The following FAT2 variants were observed in gnomAD, a reference collection of about 807,000 sequenced individuals.
FAT2 encodes the protein protocadherin Fat 2.
Under a neutral mutation model 295.3 loss-of-function variants are expected in FAT2, and 150 were observed. That is an observed-to-expected ratio of 0.51 (90% CI 0.44 to 0.58). FAT2 has a LOEUF of 0.58. Ranked by LOEUF, FAT2 falls within the 20% of genes least tolerant of loss-of-function variation. The pLI is 0.00. For synonymous variants in FAT2, 2,026 were observed against 2,150.3 expected, an observed-to-expected ratio of 0.94 and a Z score of 1.60; for missense variants, 4,868 against 5,442.7, an observed-to-expected ratio of 0.89 and a Z score of 3.32.
rs1457131869 is a variant in FAT2 at position 151,507,388 on chromosome 5, T to C, written c.12283A>G (p.Thr4095Ala). 2 of 1,614,148 alleles carry C rather than the reference T, an allele frequency of 1.2e-6. No homozygotes were observed. Among genetic ancestry groups the C allele is most frequent in the South Asian group, 2.2e-5 (2 of 91,074 alleles). ...AGCTCGATGGCAGGCATGGCTTGGG[T>C]GTCAACACCAACACTCCTGGCCAGG... Reference protein sequence around the residue: ...DLLARSVGVDTQAMPAIELNP... With the variant: ...DLLARSVGVDAQAMPAIELNP... The change falls in exon 23 of 24, where the codon ACC becomes GCC. Residue 4095 changes from threonine to alanine, a missense_variant. By Grantham distance (58) the Thr-to-Ala change is moderately conservative. Around this residue, in one of 5 missense-constraint regions of FAT2, gnomAD observed 492 missense variants for 482.6 expected, o/e 1.02. Coordinates refer to ENST00000261800, the MANE Select transcript of FAT2 (RefSeq NM_001447.3).
intron 12 of FAT2, among the ~76,000 whole-genome samples, chr5:151,537,128 C>G (rs1397301858): frequency 6.7e-6 from 1 of 149,988 alleles, no homozygotes; most frequent in Non-Finnish European, 1.5e-5. Flanking sequence ...ATTCCCATAG[C>G]TAGCAAAAAG....
chr5:151,505,776 T>C lies in FAT2; in HGVS notation c.12839A>G (p.Gln4280Arg), dbSNP rs1317694946. Residue 4280 changes from glutamine (Q) to arginine (R), a missense_variant, in exon 24 of 24, where the codon CAG becomes CGG. Gln to Arg is a conservative substitution (Grantham distance 43). This residue lies in a region of FAT2 where 492 missense variants were observed against 482.6 expected (regional missense o/e 1.02). Transcript: ENST00000261800. ...EYTAISYYHS[Q>R]FRQGGGGPCL... ...GGGCCCTCCCCCTCCCTGCCGGAAC[T>C]GCGAGTGGTAGTAGCTGATGGCCGT... The C allele has an allele frequency of 2.5e-6, 4 of 1,614,000 alleles. No individual in the cohort carries two copies. Among genetic ancestry groups the C allele is most frequent in the African/African-American group, 2.7e-5 (2 of 75,026 alleles).
chr5:151,536,497 A>G (rs1022697910), intron 12 of FAT2, among the ~76,000 whole-genome samples: 7 of 151,932 alleles, frequency 4.6e-5, no homozygotes, highest in African/African-American at 1.7e-4. Context: ...TGTGCTGCCC[A>G]TCTCCACACC....
At chr5:151,558,023 AC>A (rs1369695484) in intron 3 of FAT2, among the ~76,000 whole-genome samples, 1 of 151,986 alleles carries the variant, frequency 6.6e-6, no homozygotes, top group African/African-American at 2.4e-5. Flanking sequence ...CCTTATTTCA[AC>A]CCCAGCCTCC....
upstream of FAT2, among the ~76,000 whole-genome samples, chr5:151,592,122 G>T (rs948734039): frequency 6.6e-6 from 1 of 152,160 alleles, no homozygotes; most frequent in East Asian, 1.9e-4. Context: ...CCTTGGCTTT[G>T]ATGCGTTTTA....
chr5:151,524,307 T>A (rs1753778242), intron 18 of FAT2, among the ~76,000 whole-genome samples: 1 of 152,236 alleles, frequency 6.6e-6, no homozygotes, highest in Admixed American at 6.5e-5. Flanking sequence ...CCAAGTATTA[T>A]TTTTAGTGCC....
chr5:151,534,397 T>G lies in FAT2; in HGVS notation c.9427+12A>C. 1 of 1,594,904 alleles carries G rather than the reference T, an allele frequency of 6.3e-7. No individual in the cohort carries two copies. Among genetic ancestry groups the G allele is most frequent in the Non-Finnish European group, 8.6e-7 (1 of 1,167,638 alleles). On this transcript the variant is annotated intron_variant, in intron 13 of 23. Transcript: ENST00000261800. ...GATCATTGGAAATGGCCTCAATCCT[T>G]CTCAGACTCACCTTGGTCGGGATCC...
chr5:151,541,989 G>A lies in FAT2; in HGVS notation c.8842+296C>T, dbSNP rs116494844. On this transcript the variant is annotated intron_variant, in intron 10 of 23. Transcript: ENST00000261800. ...CTCCTCCATCTTTCAAAAGACAACT[G>A]ACAGCAGTTAGAGTATGACTCATGT... Among the ~76,000 whole-genome samples the A allele has an allele frequency of 9.4e-3, 1,435 of 152,308 alleles. 20 individuals carry two copies. The highest frequency in any genetic ancestry group is 0.033 in the African/African-American group (1,376 of 41,558).
Position 151,507,272 on chromosome 5 carries a change from G to A in FAT2, c.12399C>T (p.Pro4133=). 2 of 1,614,182 alleles carry A rather than the reference G, an allele frequency of 1.2e-6. No individual in the cohort carries two copies. The highest frequency in any genetic ancestry group is 1.3e-5 in the African/African-American group (1 of 75,044). ...SVPNELVTFG[P]NSKQRPVVCS... ...AGACCACTGGCCGTTGCTTAGAATT[G>A]GGTCCAAATGTGACGAGTTCATTTG... The change falls in exon 23 of 24, where the codon CCC becomes CCT. Residue 4133 remains proline (P), a synonymous_variant. Transcript: ENST00000261800.
chr5:151,592,403 ACT>A (rs1256157545), upstream of FAT2, among the ~76,000 whole-genome samples: 1 of 151,710 alleles, frequency 6.6e-6, no homozygotes, highest in Non-Finnish European at 1.5e-5. Context: ...ACTGAAAGCA[ACT>A]CTGCAACCAT....
chr5:151,541,880 T>C (rs1756182059), intron 10 of FAT2, among the ~76,000 whole-genome samples: 1 of 152,186 alleles, frequency 6.6e-6, no homozygotes. Flanking sequence ...TTTTCTATCA[T>C]TCACAACTTT....
rs145169377 is a variant in FAT2, at chr5:151,553,609, C to T, written c.3946-222G>A. Among the ~76,000 whole-genome samples, 355 of 152,328 alleles carry T rather than the reference C, an allele frequency of 2.3e-3. 2 individuals carry two copies. Among genetic ancestry groups the T allele is most frequent in the African/African-American group, 7.9e-3 (328 of 41,558 alleles). Reference sequence around the variant, plus strand: ...AAACGTATAACCTGTGCTCAAGAACCTCATGGTTAGTATAAAAATAATAAA... The same window carrying T: ...AAACGTATAACCTGTGCTCAAGAACTTCATGGTTAGTATAAAAATAATAAA... On this transcript the variant is annotated intron_variant, in intron 5 of 23. Transcript: ENST00000261800.
intron 19 of FAT2, among the ~76,000 whole-genome samples, 164 bp from the exon 20 acceptor site, chr5:151,517,929 C>T (rs1002911797): frequency 6.6e-6 from 1 of 152,144 alleles, no homozygotes; most frequent in Non-Finnish European, 1.5e-5. Context: ...CCTTTCTAGC[C>T]TCACACGTAG....
chr5:151,511,233 T>A (rs1319300008), intron 21 of FAT2: 1 of 151,960 alleles, frequency 6.6e-6, no homozygotes, highest in African/African-American at 2.4e-5. Context: ...CAGACAAAAA[T>A]CAGAAAAAGG....
chr5:151,525,905 C>T lies in FAT2; in HGVS notation c.10369G>A (p.Glu3457Lys), dbSNP rs771835880. The change falls in exon 18 of 24, where the codon GAG becomes AAG. Residue 3457 changes from glutamate to lysine, a missense_variant. Glu to Lys is a moderately conservative substitution (Grantham distance 56, BLOSUM62 1). Coordinates refer to ENST00000261800, the MANE Select transcript of FAT2 (RefSeq NM_001447.3). Reference protein sequence around the residue: ...QLILSDPDSPENGPPYSFRIT... With the variant: ...QLILSDPDSPKNGPPYSFRIT... ...CGAAACGAGTAGGGGGGGCCATTCT[C>T]TGGAGAATCTGGGTCACTCAGGATC... is the stretch of plus-strand genomic sequence containing the variant. 6 of 1,614,224 alleles carry T rather than the reference C, an allele frequency of 3.7e-6. No homozygotes were observed. In the South Asian group the frequency reaches 5.5e-5, roughly 15 times the overall value.
rs377734391 is a variant in FAT2, at chr5:151,545,707, G to T, written c.5420C>A (p.Pro1807Gln). ...AATTTTGAAAAACTTCAAGGCCTCC[G>T]GCTCCAAAATTTTATAGACCAACAA... The part of the protein sequence containing the change: ...NSLLVYKILE[P>Q]EALKFFKIDP... Residue 1807 changes from proline to glutamine, a missense_variant, in exon 10 of 24, where the codon CCG (proline) becomes CAG (glutamine). Physicochemically the swap from Pro to Gln is moderately conservative, Grantham distance 76. Transcript: ENST00000261800. The T allele has an allele frequency of 1.2e-6, 2 of 1,613,950 alleles. No individual in the cohort carries two copies. Among genetic ancestry groups the T allele is most frequent in the African/African-American group, 2.7e-5 (2 of 74,878 alleles).
intron 3 of FAT2, among the ~76,000 whole-genome samples, chr5:151,559,477 G>T (rs3097827): frequency 0.076 from 11,574 of 152,088 alleles, 760 homozygotes; most frequent in Admixed American, 0.2. Flanking sequence ...GGACTAGGGG[G>T]TCTTGGCAGG....
Position 151,543,678 on chromosome 5 carries a change from C to A in FAT2, c.7449G>T (p.Gln2483His). ...CTGCTAATTCTGCCTCATAAAGGTG[C>A]TGCTGGAACTCTGGGCTGTACTTGT... The part of the protein sequence containing the change: ...NANKYSPEFQ[Q>H]HLYEAELAEN... The change falls in exon 10 of 24, where the codon CAG becomes CAT. Residue 2483 changes from glutamine to histidine, a missense_variant. Transcript: ENST00000261800. 1 of 1,614,188 alleles carries A rather than the reference C, an allele frequency of 6.2e-7. No individual in the cohort carries two copies. Among genetic ancestry groups the A allele is most frequent in the Admixed American group, 1.7e-5 (1 of 60,030 alleles).
At chr5:151,574,061 C>T (rs1298285153) in intron 1 of FAT2, among the ~76,000 whole-genome samples, 2 of 152,144 alleles carry the variant, frequency 1.3e-5, no homozygotes, top group East Asian at 3.8e-4. Context: ...TGGTCTCTAT[C>T]AGACCCTAAA....
Sources: allele counts gnomAD v4.1 joint callset (sites outside exome capture counted in the v4.1 genomes callset), GRCh38; gene constraint gnomAD v4.1.1; regional missense constraint gnomAD v4.1.1; transcripts MANE v1.5; gene names NCBI Gene and HGNC (gene_info 2026-07-23, HGNC 2026-07-21).